Variants in SLC7A6 observed in about 807,000 individuals in gnomAD.
SLC7A6 encodes the protein Y+L amino acid transporter 2.
A neutral mutation model predicts 46.6 loss-of-function variants in SLC7A6; 29 were observed. The observed-to-expected ratio is 0.62, with a 90% CI of 0.46 to 0.85. SLC7A6 has a LOEUF of 0.85. Ranked by LOEUF, SLC7A6 falls within the 40% of genes least tolerant of loss-of-function variation. SLC7A6 has a pLI of 0.00. For missense variants in SLC7A6, 527 were observed against 647.6 expected, an observed-to-expected ratio of 0.81 and a Z score of 2.02; for synonymous variants, 276 against 257.3, an observed-to-expected ratio of 1.07 and a Z score of -0.70.
Position 68,264,589 on chromosome 16 carries a change from G to T in SLC7A6, c.-166+13G>T, listed in dbSNP as rs1441608025. On this transcript the variant is annotated intron_variant, in intron 1 of 10. Transcript: ENST00000219343. This position sits in a 1 kb window ranked among gnomAD's most constrained non-coding sequence, Gnocchi z 5.8. ...GGGCCACTGGGAGGTAACGGGCTGG[G>T]CCATGGGCGGGCGCGCCGGGAGCGG... 6.6e-6 allele frequency: 1 copy of T among 152,504 alleles called. No individual in the cohort carries two copies. The highest frequency in any genetic ancestry group is 1.5e-5 in the Non-Finnish European group (1 of 68,146). 9.4% of individuals were successfully genotyped at this position (152,504 alleles called of 1,614,324 possible).
In SLC7A6 at chr16:68,264,594, G is replaced by T. The variant is rs1477586374; in HGVS notation, c.-166+18G>T. ...ACTGGGAGGTAACGGGCTGGGCCAT[G>T]GGCGGGCGCGCCGGGAGCGGGGCCG... On this transcript the variant is annotated intron_variant, in intron 1 of 10. Coordinates refer to ENST00000219343, the MANE Select transcript of SLC7A6 (RefSeq NM_003983.6). This position sits in a 1 kb window ranked among gnomAD's most constrained non-coding sequence, Gnocchi z 5.8. 2 of 152,502 alleles carry T rather than the reference G, an allele frequency of 1.3e-5. No homozygotes were observed. The highest frequency in any genetic ancestry group is 1.9e-4 in the South Asian group (1 of 5,252). 9.4% of individuals were successfully genotyped at this position (152,502 alleles called of 1,614,324 possible). A position where few individuals can be genotyped will look rare whatever the true frequency, so the allele number is the denominator to read the frequency against.
At position 68,299,500 on chromosome 16, in the gene SLC7A6, C is replaced by T. The variant is rs1430120777; in HGVS notation, c.*2172C>T. 6.6e-6 allele frequency: 1 copy of T among 152,636 alleles called. No individual in the cohort carries two copies. The highest frequency in any genetic ancestry group is 1.5e-5 in the Non-Finnish European group (1 of 68,056). 9.5% of individuals were successfully genotyped at this position (152,636 alleles called of 1,614,324 possible). ...CCAGAGGATCCCTACAGCACTCAAG[C>T]TTCATGGTGGAATTAATTTCTGCCA... On this transcript the variant is annotated 3_prime_UTR_variant, in exon 11 of 11. Coordinates refer to ENST00000219343, the MANE Select transcript of SLC7A6 (RefSeq NM_003983.6).
At chr16:68,268,611 G>A (rs1244612265) in intron 2 of SLC7A6, among the ~76,000 whole-genome samples, 2 of 152,126 alleles carry the variant, frequency 1.3e-5, no homozygotes, top group Non-Finnish European at 2.9e-5. Flanking sequence ...AAAATTGCTT[G>A]TGGCAGTTTC....
chr16:68,275,596 CAAAAAAAA>C (rs10578259), intron 3 of SLC7A6, among the ~76,000 whole-genome samples: 1 of 100,622 alleles, frequency 9.9e-6, no homozygotes, highest in Admixed American at 1.1e-4. Context: ...ACTCTGTCTC[CAAAAAAAA>C]AAAAAAAAAA....
intron 6 of SLC7A6, 76 bp downstream of exon 6, chr16:68,291,408 T>TAA: frequency 6.3e-7 from 1 of 1,596,142 alleles, no homozygotes; most frequent in Non-Finnish European, 8.6e-7. Flanking sequence ...TCTGTCTTAC[T>TAA]GCACCCTCCT....
intron 3 of SLC7A6, among the ~76,000 whole-genome samples, chr16:68,276,070 C>T (rs937309294): frequency 6.6e-6 from 1 of 152,170 alleles, no homozygotes; most frequent in African/African-American, 2.4e-5. Flanking sequence ...CCCACAGGAC[C>T]CTTTCCTGTC....
intron 7 of SLC7A6, 177 bp from the exon 8 acceptor site, chr16:68,294,528 T>C: frequency 1.7e-6 from 1 of 580,556 alleles, no homozygotes; most frequent in Non-Finnish European, 3.1e-6. Flanking sequence ...GGAAAATCTG[T>C]AGGGAAGGGG....
intron 2 of SLC7A6, among the ~76,000 whole-genome samples, chr16:68,269,000 C>T (rs574854882): frequency 2.2e-4 from 34 of 151,714 alleles, no homozygotes; most frequent in South Asian, 6.2e-4. Flanking sequence ...AGCGAAACTC[C>T]GTCTAAAAAA....
Position 68,285,988 on chromosome 16 carries a change from T to C in SLC7A6, c.524-1758T>C, listed in dbSNP as rs568665520. ...GGTGTGCACCTGTGGTCCCAGCTAA[T>C]AGGAGGTTGAGGTGGGAAGATCACT... is the stretch of plus-strand genomic sequence containing the variant. On this transcript the variant is annotated intron_variant, in intron 3 of 10. Transcript: ENST00000219343. Among the ~76,000 whole-genome samples the C allele has an allele frequency of 2.8e-5, 4 of 144,428 alleles. No individual in the cohort carries two copies. In the East Asian group the frequency reaches 8.1e-4, roughly 29 times the overall value. The allele number at this position is 144,428 out of a possible 152,430, so 94.8% of individuals were successfully genotyped here. A position where few individuals can be genotyped will look rare whatever the true frequency, so the allele number is the denominator to read the frequency against.
In SLC7A6 at chr16:68,294,769, C is replaced by T. The variant is rs1223349606; in HGVS notation, c.1087C>T (p.Arg363Cys). 4 of 1,613,816 alleles carry T rather than the reference C, an allele frequency of 2.5e-6. No individual in the cohort carries two copies. Among genetic ancestry groups the T allele is most frequent in the African/African-American group, 2.7e-5 (2 of 74,878 alleles). Residue 363 changes from arginine (R) to cysteine (C), a missense_variant, in exon 8 of 11, where the codon CGT becomes TGT. By Grantham distance (180) the Arg-to-Cys change is radical (BLOSUM62 -3). Transcript: ENST00000219343. ...CCTTCTGTCCATGATCCACATTGAG[C>T]GTTTTACACCTATCCCTGCTTTACT... is the stretch of plus-strand genomic sequence containing the variant. ...PDLLSMIHIERFTPIPALLFN... is the reference protein window; with the variant it reads ...PDLLSMIHIECFTPIPALLFN...
At chr16:68,290,059 A>T in intron 4 of SLC7A6, 1 of 219,578 alleles carries the variant, frequency 4.6e-6, no homozygotes, top group South Asian at 1.4e-4. Context: ...GTTTTGGAAG[A>T]AGTATTGTCA....
chr16:68,293,832 G>A (rs938744707), intron 7 of SLC7A6, among the ~76,000 whole-genome samples: 3 of 152,198 alleles, frequency 2.0e-5, no homozygotes, highest in African/African-American at 7.2e-5. Flanking sequence ...CAAGCCTAGC[G>A]AGTGAGTGTC....
intron 3 of SLC7A6, among the ~76,000 whole-genome samples, chr16:68,279,365 C>A (rs1309506656): frequency 6.6e-6 from 1 of 152,094 alleles, no homozygotes; most frequent in Non-Finnish European, 1.5e-5. Flanking sequence ...TATTTAATCT[C>A]TTTCATCAAA....
intron 8 of SLC7A6, among the ~76,000 whole-genome samples, chr16:68,295,750 T>C (rs959646106): frequency 6.6e-6 from 1 of 152,268 alleles, no homozygotes; most frequent in Non-Finnish European, 1.5e-5. Context: ...AGGATTCTTT[T>C]GTTCCAGAAG....
At position 68,274,840 on chromosome 16, in the gene SLC7A6, T is replaced by C. The variant is rs1438712737; in HGVS notation, c.114T>C (p.Thr38=). The change falls in exon 3 of 11, where the codon ACT becomes ACC. Residue 38 remains threonine (T), a synonymous_variant. Coordinates refer to ENST00000219343, the MANE Select transcript of SLC7A6 (RefSeq NM_003983.6). ...VSSPPQRSSE[T]MQLKKEISLL... is the part of the protein sequence containing the mutation. ...CGCCACCTCAAAGGTCCTCCGAAAC[T>C]ATGCAGCTGAAGAAGGAGATCTCCC... The C allele has an allele frequency of 6.2e-7, 1 of 1,614,138 alleles. No homozygotes were observed. Among genetic ancestry groups the C allele is most frequent in the Admixed American group, 1.7e-5 (1 of 60,012 alleles).
intron 3 of SLC7A6, chr16:68,287,529 A>G: frequency 7.0e-7 from 1 of 1,429,352 alleles, no homozygotes; most frequent in African/African-American, 1.4e-5. Context: ...GCATGCCTTC[A>G]TATCCTTGAG....
intron 3 of SLC7A6, among the ~76,000 whole-genome samples, chr16:68,286,114 A>G (rs1018486836): frequency 2.7e-5 from 4 of 150,064 alleles, no homozygotes; most frequent in Admixed American, 1.3e-4. Flanking sequence ...AAAAAAAAAA[A>G]GAAGGAAAGA....
At chr16:68,276,611 C>T (rs971822854) in intron 3 of SLC7A6, among the ~76,000 whole-genome samples, 3 of 152,128 alleles carry the variant, frequency 2.0e-5, no homozygotes, top group South Asian at 2.1e-4. Context: ...TTAGGGAAGG[C>T]GGCTGCTCAG....
At chr16:68,296,326 T>C (rs2043164614) in intron 8 of SLC7A6, 38 bp from the exon 9 acceptor site, 1 of 1,611,712 alleles carries the variant, frequency 6.2e-7, no homozygotes, top group Non-Finnish European at 8.5e-7. Flanking sequence ...GCGCAGGTGG[T>C]GACGATGCTC....
Sources: gnomAD v4.1 joint callset for allele counts (sites outside exome capture counted in the v4.1 genomes callset) on GRCh38, gnomAD v4.1.1 for gene constraint, Gnocchi (gnomAD v3.1) non-coding constraint, MANE v1.5 for transcripts, NCBI Gene and HGNC (gene_info 2026-07-23, HGNC 2026-07-21) for gene names.